Variants in IL18BP observed in about 807,000 individuals in gnomAD.
IL18BP encodes the protein interleukin-18-binding protein.
Under a neutral mutation model 19.9 loss-of-function variants are expected in IL18BP, and 23 were observed. That is an observed-to-expected ratio of 1.15 (90% CI 0.83 to 1.64). The LOEUF (loss-of-function observed/expected upper bound fraction) is 1.64, where lower values mean the gene tolerates loss of function less well. IL18BP is among the 40% of genes most tolerant of loss of function. The pLI is 0.00. For missense variants in IL18BP, 239 were observed against 240.7 expected (o/e 0.99, Z 0.05); for synonymous variants, 107 against 101.0 (o/e 1.06, Z -0.35).
At chr11:72,002,833 T>G (rs1301321429), downstream of IL18BP, 1 of 200,768 alleles carries the variant, frequency 5.0e-6, no homozygotes, top group Non-Finnish European at 1.0e-5. Context: ...ATATTCCTCT[T>G]TTTCCCACAC....
chr11:72,003,420 C>T, downstream of IL18BP: 1 of 1,117,892 alleles, frequency 8.9e-7, no homozygotes, highest in Non-Finnish European at 1.4e-6. Flanking sequence ...GGTTTGGCTA[C>T]TGTTGGCCTG....
downstream of IL18BP, chr11:72,005,666 G>A (rs932294363): frequency 6.4e-5 from 32 of 500,782 alleles, no homozygotes; most frequent in Middle Eastern, 5.1e-4. Context: ...ATTAAGGACC[G>A]GGAATTAATT....
At chr11:72,007,811 A>G, downstream of IL18BP, 1 of 363,990 alleles carries the variant, frequency 2.7e-6, no homozygotes, top group East Asian at 6.6e-5. Context: ...GAACGTGGGC[A>G]TAATCCAATG....
chr11:72,007,247 C>G, downstream of IL18BP: 2 of 1,612,726 alleles, frequency 1.2e-6, no homozygotes, highest in Non-Finnish European at 1.7e-6. Context: ...GCGGGTCTTA[C>G]GACCCGAGTC....
downstream of IL18BP, chr11:72,004,162 C>T (rs1565182068): frequency 6.2e-7 from 1 of 1,602,926 alleles, no homozygotes. Context: ...GCGTGCTGTG[C>T]CACGCTCTAT....
chr11:72,007,507 T>TAAG, downstream of IL18BP: 1 of 1,560,772 alleles, frequency 6.4e-7, no homozygotes, highest in Non-Finnish European at 8.7e-7. Flanking sequence ...TTTTTGAAAG[T>TAAG]GACCATTTCC....
downstream of IL18BP, chr11:72,005,354 TAGA>T: frequency 6.2e-7 from 1 of 1,608,024 alleles, no homozygotes; most frequent in Non-Finnish European, 8.5e-7. Flanking sequence ...AGTGCCCATG[TAGA>T]AGCTGTTCCT....
At chr11:72,004,168 T>C, downstream of IL18BP, 1 of 1,607,042 alleles carries the variant, frequency 6.2e-7, no homozygotes, top group Non-Finnish European at 8.5e-7. Context: ...TGTGCCACGC[T>C]CTATCAGCAA....
At position 71,999,073 on chromosome 11, in the gene IL18BP, C is replaced by T. The variant is rs1590824875; in HGVS notation, c.-59+54C>T. On this transcript the variant is annotated intron_variant, in intron 1 of 5. Coordinates refer to ENST00000393703, the MANE Select transcript of IL18BP (RefSeq NM_001039660.2). ...AGACCTGTGGCTCTGGCCAGAGGGG[C>T]TAGGATGAGAGACAGAGGGTGTGAT... 4 of 486,080 alleles carry T rather than the reference C, an allele frequency of 8.2e-6. No homozygotes were observed. In the East Asian group the frequency reaches 2.2e-4, roughly 27 times the overall value. The allele number at this position is 486,080 out of a possible 1,614,324, so 30.1% of individuals were successfully genotyped here.
At chr11:72,008,088 C>T, downstream of IL18BP, 1 of 477,892 alleles carries the variant, frequency 2.1e-6, no homozygotes, top group Non-Finnish European at 4.2e-6. Flanking sequence ...CAGAATAAAC[C>T]TACCTCAGAG....
downstream of IL18BP, chr11:72,005,658 T>A: frequency 2.0e-6 from 1 of 504,794 alleles, no homozygotes; most frequent in Non-Finnish European, 3.5e-6. Context: ...AGGAACAAAT[T>A]AAGGACCGGG....
At chr11:71,999,188 T>C (rs1237091531) in intron 1 of IL18BP, 169 bp downstream of exon 1, 2 of 514,262 alleles carry the variant, frequency 3.9e-6, no homozygotes, top group East Asian at 5.5e-5. Flanking sequence ...CGGACTGGTA[T>C]GGCATTGAGC....
chr11:72,005,667 G>C, downstream of IL18BP: 3 of 502,036 alleles, frequency 6.0e-6, no homozygotes, highest in Non-Finnish European at 1.0e-5. Flanking sequence ...TTAAGGACCG[G>C]GAATTAATTC....
At chr11:72,001,716 C>G in intron 5 of IL18BP, 68 bp from the exon 6 acceptor site, 1 of 1,613,036 alleles carries the variant, frequency 6.2e-7, no homozygotes, top group Non-Finnish European at 8.5e-7. Context: ...GGAGGTGTAG[C>G]CTGGGGCAAA....
At chr11:72,007,249 A>G, downstream of IL18BP, 1 of 1,612,694 alleles carries the variant, frequency 6.2e-7, no homozygotes, top group Non-Finnish European at 8.5e-7. Flanking sequence ...GGGTCTTACG[A>G]CCCGAGTCCA....
downstream of IL18BP, chr11:72,003,928 T>C: frequency 6.2e-7 from 1 of 1,612,632 alleles, no homozygotes; most frequent in Non-Finnish European, 8.5e-7. Flanking sequence ...GCGGCAGCAG[T>C]GGCGGCGCTG....
At chr11:72,005,799 C>T, downstream of IL18BP, 4 of 560,196 alleles carry the variant, frequency 7.1e-6, no homozygotes, top group Admixed American at 3.3e-5. Flanking sequence ...CTAAGTGTCA[C>T]AATTGTGCTG....
In IL18BP at chr11:72,001,545, A is replaced by G. The variant is rs1189133014; in HGVS notation, c.500A>G (p.Gln167Arg). The change falls in exon 5 of 6, where the codon CAG becomes CGG. Residue 167 changes from glutamine (Q) to arginine (R), a missense_variant. Transcript: ENST00000393703. ...QVVQRHVVLA[Q>R]LWAGLRATLP... is the part of the protein sequence containing the mutation. ...GTCCAGCGTCACGTCGTCCTGGCCC[A>G]GCTCTGGGTGAGGAGCCCAAGGAGA... 6.2e-7 allele frequency: 1 copy of G among 1,611,968 alleles called. No homozygotes were observed. The highest frequency in any genetic ancestry group is 1.3e-5 in the African/African-American group (1 of 74,910).
chr11:72,003,259 G>A (rs951811747), downstream of IL18BP: 37 of 519,244 alleles, frequency 7.1e-5, no homozygotes, highest in East Asian at 9.8e-4. Context: ...GGTTGTGATG[G>A]AGAAGTGACT....
Sources: gnomAD v4.1 joint callset for allele counts on GRCh38, gnomAD v4.1.1 for gene constraint, MANE v1.5 for transcripts, NCBI Gene and HGNC (gene_info 2026-07-23, HGNC 2026-07-21) for gene names.